CRTAC1: variants seen among roughly 807,000 people sequenced by gnomAD.
CRTAC1 encodes acidic secreted protein in cartilage.
CRTAC1 carries 37 observed loss-of-function variants against 67.8 expected under a neutral mutation model. The observed-to-expected ratio is 0.55, with a 90% CI of 0.42 to 0.72. The LOEUF (loss-of-function observed/expected upper bound fraction) is 0.72, where lower values mean the gene tolerates loss of function less well. Among genes scored for constraint, CRTAC1 ranks in the 30% least tolerant of loss-of-function variants. CRTAC1 has a pLI of 0.00. For missense variants in CRTAC1, 780 were observed against 931.6 expected (o/e 0.84, Z 2.12); for synonymous variants, 348 against 371.0 (o/e 0.94, Z 0.71).
intron 2 of CRTAC1, among the ~76,000 whole-genome samples, chr10:98,001,199 G>A (rs896876655): frequency 5.3e-5 from 8 of 151,942 alleles, no homozygotes; most frequent in Non-Finnish European, 1.2e-4. Flanking sequence ...GAAATGAACC[G>A]CCATAGTAGG....
intron 13 of CRTAC1, 77 bp from the exon 14 acceptor site, chr10:97,880,469 C>T: frequency 6.4e-7 from 1 of 1,559,834 alleles, no homozygotes; most frequent in Non-Finnish European, 8.8e-7. Context: ...TGCCTATACA[C>T]TGTCTGGCTT....
Position 97,936,294 on chromosome 10 carries a change from C to T in CRTAC1, c.297G>A (p.Glu99=). 1.9e-6 allele frequency: 3 copies of T among 1,613,984 alleles called. No individual in the cohort carries two copies. In the African/African-American group the frequency reaches 4.0e-5, roughly 22 times the overall value. Residue 99 remains glutamate, a synonymous_variant, in exon 3 of 15, where the codon GAG becomes GAA. Transcript: ENST00000370597. ...GCAGCGCGTAGTAGGGTGAGCTGCG[C>T]TCATCGACCGCGATGTTCACCAGCC... ...QKRLVNIAVD[E]RSSPYYALRD...
chr10:97,890,574 C>T (rs933612604), intron 11 of CRTAC1, among the ~76,000 whole-genome samples: 1 of 152,212 alleles, frequency 6.6e-6, no homozygotes, highest in Admixed American at 6.5e-5. Flanking sequence ...CCAACCTGGA[C>T]CACTGTGTTG....
At position 98,029,233 on chromosome 10, in the gene CRTAC1, A is replaced by G. The variant is rs1481826552; in HGVS notation, c.24+1216T>C. Among the ~76,000 whole-genome samples, 4 of 152,076 alleles carry G rather than the reference A, an allele frequency of 2.6e-5. No individual in the cohort carries two copies. The highest frequency in any genetic ancestry group is 5.9e-5 in the Non-Finnish European group (4 of 68,024). ...TTCAGTCTTGGACATCTCCAGCCCC[A>G]AGTCGTCTGGGTTCCAAATCTCCGT... On this transcript the variant is annotated intron_variant, in intron 1 of 14. Transcript: ENST00000370597. This position sits in a 1 kb window ranked among gnomAD's most constrained non-coding sequence, Gnocchi z 4.7.
intron 14 of CRTAC1, chr10:97,871,025 A>G (rs1469354536): frequency 6.6e-6 from 1 of 152,192 alleles, no homozygotes; most frequent in Non-Finnish European, 1.5e-5. Context: ...CTTGGCATGA[A>G]AGAGATGCTT....
rs544681804 is a variant in CRTAC1, at chr10:97,983,312, G to T, written c.224+27826C>A. Among the ~76,000 whole-genome samples, 9 of 152,058 alleles carry T rather than the reference G, an allele frequency of 5.9e-5. No individual in the cohort carries two copies. The East Asian group carries it at 1.7e-3, about 29-fold the overall frequency. On this transcript the variant is annotated intron_variant, in intron 2 of 14. Coordinates refer to ENST00000370597, the MANE Select transcript of CRTAC1 (RefSeq NM_018058.7). ...CACTGTGCTTACATTCAAGAAGACA[G>T]GTTTAGAGAGGTTAAATAATCTGTC...
At chr10:97,948,062 T>C (rs1243630640) in intron 2 of CRTAC1, among the ~76,000 whole-genome samples, 1 of 149,192 alleles carries the variant, frequency 6.7e-6, no homozygotes, top group East Asian at 2.0e-4. Context: ...GAAATGATAG[T>C]GCAGAATAAT....
chr10:97,947,996 A>C (rs1156670941), intron 2 of CRTAC1, among the ~76,000 whole-genome samples: 1 of 152,166 alleles, frequency 6.6e-6, no homozygotes, highest in Non-Finnish European at 1.5e-5. Flanking sequence ...ATGTCAAAAC[A>C]ATGTTTTGGA....
chr10:97,884,834 C>G (rs1026158432), intron 11 of CRTAC1, among the ~76,000 whole-genome samples: 12 of 152,184 alleles, frequency 7.9e-5, no homozygotes, highest in African/African-American at 2.7e-4. Flanking sequence ...GTCTGGCATT[C>G]AAATCATGGC....
At chr10:97,902,855 T>C (rs1204903782) in intron 7 of CRTAC1, among the ~76,000 whole-genome samples, 1 of 151,236 alleles carries the variant, frequency 6.6e-6, no homozygotes, top group African/African-American at 2.4e-5. Flanking sequence ...GCTGTCTCCA[T>C]CAGAGGAGTA....
chr10:98,017,037 G>A (rs183494162), intron 1 of CRTAC1, among the ~76,000 whole-genome samples: 1 of 152,234 alleles, frequency 6.6e-6, no homozygotes, highest in African/African-American at 2.4e-5. Flanking sequence ...GGGGAGAATG[G>A]TAGAAAGGTT....
chr10:97,977,443 G>C (rs2051825873), intron 2 of CRTAC1, among the ~76,000 whole-genome samples: 1 of 152,178 alleles, frequency 6.6e-6, no homozygotes, highest in Non-Finnish European at 1.5e-5. Flanking sequence ...AGGACACTGT[G>C]AAAGGTCCCC....
At position 97,865,374 on chromosome 10, in the gene CRTAC1, C is replaced by CA; in HGVS notation, c.*173dup. ...GCTGTGATCACAGCTATGTGCCCAG[C>CA]ACAGGGCCTGGCCTTACGAGTCTCC... is the stretch of plus-strand genomic sequence containing the variant. On this transcript the variant is annotated 3_prime_UTR_variant, in exon 15 of 15. Coordinates refer to ENST00000370597, the MANE Select transcript of CRTAC1 (RefSeq NM_018058.7). The CA allele has an allele frequency of 1.3e-6, 1 of 746,216 alleles. No individual in the cohort carries two copies. 46.2% of individuals were successfully genotyped at this position (746,216 alleles called of 1,614,324 possible).
rs202062375 is a variant in CRTAC1 at position 97,913,678 on chromosome 10, CT to C, written c.715+3821del. On this transcript the variant is annotated intron_variant, in intron 5 of 14. Coordinates refer to ENST00000370597, the MANE Select transcript of CRTAC1 (RefSeq NM_018058.7). ...TGTGTGTCCTGGGCTTTGGGTACCC[CT>C]AGCAGGCCCGTGCTGCACTTCCTGG... 4.5e-3 allele frequency among the ~76,000 whole-genome samples: 682 copies of C among 152,342 alleles called. 3 individuals carry two copies. Among genetic ancestry groups the C allele is most frequent in the Admixed American group, 6.3e-3 (97 of 15,312 alleles).
At position 98,030,342 on chromosome 10, in the gene CRTAC1, TTCCCG is replaced by T; in HGVS notation, c.24+102_24+106del. ...CCTTCGCGATCCCAGTCTTCCCGGG[TTCCCG>T]GGCGGCGTCCCCGCCACCCTTGCGG... On this transcript the variant is annotated intron_variant, in intron 1 of 14. Coordinates refer to ENST00000370597, the MANE Select transcript of CRTAC1 (RefSeq NM_018058.7). This position sits in a 1 kb window ranked among gnomAD's most constrained non-coding sequence, Gnocchi z 4.2. 1 of 673,548 alleles carries T rather than the reference TTCCCG, an allele frequency of 1.5e-6. No homozygotes were observed. Among genetic ancestry groups the T allele is most frequent in the Non-Finnish European group, 2.1e-6 (1 of 468,040 alleles). 41.7% of individuals were successfully genotyped at this position (673,548 alleles called of 1,614,324 possible).
chr10:97,873,251 A>G (rs1305579235), intron 14 of CRTAC1, among the ~76,000 whole-genome samples: 2 of 152,152 alleles, frequency 1.3e-5, no homozygotes, highest in Non-Finnish European at 2.9e-5. Flanking sequence ...GACAGTTGAA[A>G]GGAAGGGAGA....
At chr10:97,934,768 C>T (rs2051056579) in intron 3 of CRTAC1, among the ~76,000 whole-genome samples, 1 of 152,090 alleles carries the variant, frequency 6.6e-6, no homozygotes, top group Admixed American at 6.5e-5. Flanking sequence ...CAAAAGAGGG[C>T]TGCCTTCTGG....
intron 2 of CRTAC1, among the ~76,000 whole-genome samples, chr10:97,996,336 T>C (rs2136678124): frequency 6.6e-6 from 1 of 150,640 alleles, no homozygotes; most frequent in East Asian, 1.9e-4. Context: ...CCTACTCATC[T>C]GACAAAGGGC....
At chr10:97,887,620 A>G (rs2050306509) in intron 11 of CRTAC1, among the ~76,000 whole-genome samples, 1 of 152,156 alleles carries the variant, frequency 6.6e-6, no homozygotes, top group South Asian at 2.1e-4. Context: ...GCTATGAGAT[A>G]AGCAGGCCTC....
Sources: allele counts gnomAD v4.1 joint callset (sites outside exome capture counted in the v4.1 genomes callset), GRCh38; gene constraint gnomAD v4.1.1; non-coding constraint Gnocchi (gnomAD v3.1); transcripts MANE v1.5; gene names NCBI Gene and HGNC (gene_info 2026-07-23, HGNC 2026-07-21).